DSCAML1: variants seen among roughly 807,000 people sequenced by gnomAD.
The protein encoded by DSCAML1 is DS cell adhesion molecule like 1, also known as cell adhesion molecule DSCAML1.
A neutral mutation model predicts 200.5 loss-of-function variants in DSCAML1; 38 were observed. That is an observed-to-expected ratio of 0.19 (90% confidence interval 0.15 to 0.25). The LOEUF (loss-of-function observed/expected upper bound fraction) is 0.25, where lower values mean the gene tolerates loss of function less well. DSCAML1 is among the 10% of genes least tolerant of loss of function. The pLI, the probability that DSCAML1 is intolerant of heterozygous loss-of-function variation, is 1.00. For missense variants in DSCAML1, 2,223 were observed against 2,858.8 expected (o/e 0.78, Z 5.07); for synonymous variants, 1,215 against 1,165.0 (o/e 1.04, Z -0.87).
chr11:117,723,875 C>G (rs971311091), intron 3 of DSCAML1, among the ~76,000 whole-genome samples: 3 of 152,258 alleles, frequency 2.0e-5, no homozygotes, highest in African/African-American at 7.2e-5. Flanking sequence ...TCAACCACGT[C>G]GTCTCCTCCC....
chr11:117,560,274 C>CT lies in DSCAML1; in HGVS notation c.512-27753dup, dbSNP rs1294276362. Among the ~76,000 whole-genome samples, 18 of 152,246 alleles carry CT rather than the reference C, an allele frequency of 1.2e-4. No individual in the cohort carries two copies. In the South Asian group the frequency reaches 3.7e-3, roughly 32 times the overall value. ...TATGCTACGGTTTTGGATACAGTATCTTATTTAATCAGCACAGCAACTTCA... is the reference window on the plus strand; with the variant it reads ...TATGCTACGGTTTTGGATACAGTATCTTTATTTAATCAGCACAGCAACTTCA... On this transcript the variant is annotated intron_variant, in intron 3 of 32. Coordinates refer to ENST00000651296, the MANE Select transcript of DSCAML1 (RefSeq NM_020693.4).
At chr11:117,681,151 C>T (rs541206790) in intron 3 of DSCAML1, among the ~76,000 whole-genome samples, 51 of 152,296 alleles carry the variant, frequency 3.3e-4, no homozygotes, top group African/African-American at 9.9e-4. Flanking sequence ...CTCCCACCCA[C>T]GCCCTCCAAG....
rs747590806 is a variant in DSCAML1 at position 117,428,465 on chromosome 11, C to T, written c.6025G>A (p.Glu2009Lys). 4.2e-5 allele frequency: 62 copies of T among 1,470,114 alleles called. No individual in the cohort carries two copies. The highest frequency in any genetic ancestry group is 9.3e-5 in the Admixed American group (4 of 43,056). 91.1% of individuals were successfully genotyped at this position (1,470,114 alleles called of 1,614,324 possible). A position where few individuals can be genotyped will look rare whatever the true frequency, so the allele number is the denominator to read the frequency against. The part of the protein sequence containing the change: ...PSAAPPAPST[E>K]PPRAGGPHTK... ...TGTGGGCCCCCGGCTCGTGGAGGCT[C>T]GGTGCTGGGGGCCGGAGGGGCAGCG... The change falls in exon 33 of 33, where the codon GAG becomes AAG. Residue 2009 changes from glutamate (E) to lysine (K), a missense_variant. Physicochemically the swap from Glu to Lys is moderately conservative, Grantham distance 56 (BLOSUM62 1). Coordinates refer to ENST00000651296, the MANE Select transcript of DSCAML1 (RefSeq NM_020693.4).
At chr11:117,703,583 T>G (rs1309656484) in intron 3 of DSCAML1, among the ~76,000 whole-genome samples, 1 of 152,076 alleles carries the variant, frequency 6.6e-6, no homozygotes, top group Non-Finnish European at 1.5e-5. Flanking sequence ...TTATCAAAAC[T>G]CAAAATACAA....
chr11:117,431,899 A>G (rs1358933219), intron 30 of DSCAML1, among the ~76,000 whole-genome samples, 171 bp from the exon 31 acceptor site: 1 of 151,702 alleles, frequency 6.6e-6, no homozygotes, highest in Non-Finnish European at 1.5e-5. Flanking sequence ...CCAGAGGAGA[A>G]GAGCAATCGA....
chr11:117,603,015 G>A (rs185928477), intron 3 of DSCAML1, among the ~76,000 whole-genome samples: 1 of 152,272 alleles, frequency 6.6e-6, no homozygotes, highest in East Asian at 1.9e-4. Flanking sequence ...AGAATCGTTT[G>A]AGCCCAGAGG....
At chr11:117,656,298 A>G (rs1005369325) in intron 3 of DSCAML1, among the ~76,000 whole-genome samples, 2 of 152,156 alleles carry the variant, frequency 1.3e-5, no homozygotes, top group Admixed American at 6.5e-5. Context: ...CCAGCTCCAA[A>G]TCCTGGCTCC....
intron 11 of DSCAML1, among the ~76,000 whole-genome samples, chr11:117,488,402 A>G (rs1248364973): frequency 6.6e-6 from 1 of 152,198 alleles, no homozygotes; most frequent in Non-Finnish European, 1.5e-5. Context: ...CGCAGTAATA[A>G]ACAAGATTGA....
intron 3 of DSCAML1, among the ~76,000 whole-genome samples, chr11:117,545,149 G>C (rs2050346979): frequency 6.6e-6 from 1 of 151,966 alleles, no homozygotes; most frequent in African/African-American, 2.4e-5. Flanking sequence ...AGAATTGCTT[G>C]AACCCAGGAG....
intron 3 of DSCAML1, among the ~76,000 whole-genome samples, chr11:117,609,309 TTC>T (rs1172091206): frequency 6.8e-5 from 10 of 146,044 alleles, no homozygotes; most frequent in African/African-American, 2.6e-4. Context: ...CTTTCTTTCT[TTC>T]TTTTTTTTTT....
At chr11:117,800,286 G>A (rs1018631044), upstream of DSCAML1, among the ~76,000 whole-genome samples, 3 of 152,200 alleles carry the variant, frequency 2.0e-5, no homozygotes, top group Non-Finnish European at 2.9e-5. Context: ...GTCAGGCGGC[G>A]TGTTCTACCC....
At chr11:117,786,574 C>G (rs1026409561) in intron 1 of DSCAML1, among the ~76,000 whole-genome samples, 2 of 152,034 alleles carry the variant, frequency 1.3e-5, no homozygotes, top group Admixed American at 1.3e-4. Context: ...CCCCAGGGCT[C>G]CCACCCCACC....
At chr11:117,577,645 C>T (rs2050971000) in intron 3 of DSCAML1, among the ~76,000 whole-genome samples, 6 of 150,826 alleles carry the variant, frequency 4.0e-5, no homozygotes, top group Admixed American at 4.0e-4. Flanking sequence ...CGTTTCACTG[C>T]AACCTCTGCC....
At chr11:117,522,706 C>T (rs544386273) in intron 5 of DSCAML1, among the ~76,000 whole-genome samples, 3 of 152,330 alleles carry the variant, frequency 2.0e-5, no homozygotes, top group South Asian at 4.1e-4. Context: ...TCATCCCAGT[C>T]GCCAGCCGGA....
At position 117,625,516 on chromosome 11, in the gene DSCAML1, G is replaced by A. The variant is rs1378368574; in HGVS notation, c.512-92994C>T. ...GGGGCCCCCTCATTTTAGAAAGGAG[G>A]AAACTGGGTCCCAGTGGTGTGACCC... On this transcript the variant is annotated intron_variant, in intron 3 of 32. Transcript: ENST00000651296. 3.3e-5 allele frequency among the ~76,000 whole-genome samples: 5 copies of A among 152,184 alleles called. No individual in the cohort carries two copies. The East Asian group carries it at 9.6e-4, about 29-fold the overall frequency.
intron 3 of DSCAML1, among the ~76,000 whole-genome samples, chr11:117,640,314 T>C (rs1401999182): frequency 6.6e-6 from 1 of 152,212 alleles, no homozygotes; most frequent in African/African-American, 2.4e-5. Context: ...GTAATCCTCA[T>C]GACGTGCTGG....
intron 3 of DSCAML1, among the ~76,000 whole-genome samples, chr11:117,715,375 G>C (rs2053933736): frequency 6.6e-6 from 1 of 152,086 alleles, no homozygotes; most frequent in African/African-American, 2.4e-5. Context: ...GACTCCCTTT[G>C]TACCCCCAGC....
Position 117,471,992 on chromosome 11 carries a change from T to C in DSCAML1, c.2830A>G (p.Ile944Val). 1 of 1,614,126 alleles carries C rather than the reference T, an allele frequency of 6.2e-7. No homozygotes were observed. Among genetic ancestry groups the C allele is most frequent in the South Asian group, 1.1e-5 (1 of 91,074 alleles). Residue 944 changes from isoleucine to valine, a missense_variant, in exon 15 of 33, where the codon ATC (isoleucine) becomes GTC (valine). Physicochemically the swap from Ile to Val is conservative, Grantham distance 29. Transcript: ENST00000651296. ...KQSTRNISPTINQANIVDLHP... is the reference protein window; with the variant it reads ...KQSTRNISPTVNQANIVDLHP... ...AAGTCCACAATGTTGGCCTGGTTGA[T>C]GGTGGGGGAGATGTTGCGTGTGGAC...
chr11:117,431,812 G>A (rs1592561738), intron 30 of DSCAML1, 84 bp from the exon 31 acceptor site: 1 of 1,348,682 alleles, frequency 7.4e-7, no homozygotes. Context: ...AAAGGGCAGG[G>A]GGGAGCAAGG....
Sources: allele counts gnomAD v4.1 joint callset (sites outside exome capture counted in the v4.1 genomes callset), GRCh38; gene constraint gnomAD v4.1.1; transcripts MANE v1.5; gene names NCBI Gene and HGNC (gene_info 2026-07-23, HGNC 2026-07-21).